PRKG1: variants seen among roughly 807,000 people sequenced by gnomAD.
PRKG1 encodes the protein cGMP-dependent protein kinase 1.
A neutral mutation model predicts 88.1 loss-of-function variants in PRKG1; 35 were observed. That is an observed-to-expected ratio of 0.40 (90% CI 0.30 to 0.53). PRKG1 has a LOEUF of 0.53. Among genes scored for constraint, PRKG1 ranks in the 20% least tolerant of loss-of-function variants. PRKG1 has a pLI of 0.59. For synonymous variants in PRKG1, 303 were observed against 292.5 expected (o/e 1.04, Z -0.37); for missense variants, 540 against 839.8 (o/e 0.64, Z 4.41).
At chr10:51,356,495 A>T (rs1162277093) in intron 2 of PRKG1, among the ~76,000 whole-genome samples, 1 of 151,950 alleles carries the variant, frequency 6.6e-6, no homozygotes, top group Admixed American at 6.6e-5. Flanking sequence ...TGATTTTCTG[A>T]ATATTCTAGA....
intron 2 of PRKG1, among the ~76,000 whole-genome samples, chr10:51,335,909 A>G (rs1048315032): frequency 2.0e-5 from 3 of 152,234 alleles, no homozygotes; most frequent in African/African-American, 7.2e-5. Context: ...GTGAAAGTCA[A>G]TTATGTAGAA....
chr10:51,094,413 G>A (rs903115580), intron 1 of PRKG1, among the ~76,000 whole-genome samples: 3 of 151,978 alleles, frequency 2.0e-5, no homozygotes, highest in Admixed American at 1.3e-4. Flanking sequence ...TGAATGGGTC[G>A]TGTTTGGTTT....
At chr10:51,691,069 A>C (rs996982392) in intron 3 of PRKG1, among the ~76,000 whole-genome samples, 3 of 150,772 alleles carry the variant, frequency 2.0e-5, no homozygotes, top group Non-Finnish European at 3.0e-5. Context: ...TCATTGAAAA[A>C]GAAGATATTG....
At chr10:52,098,931 A>G (rs1264542129) in intron 7 of PRKG1, among the ~76,000 whole-genome samples, 1 of 152,226 alleles carries the variant, frequency 6.6e-6, no homozygotes, top group Non-Finnish European at 1.5e-5. Context: ...AAGAATCCAA[A>G]TGTAAAGCTG....
intron 2 of PRKG1, among the ~76,000 whole-genome samples, chr10:51,221,876 C>CT (rs11405552): frequency 0.45 from 56,935 of 127,104 alleles, 13,096 homozygotes; most frequent in Middle Eastern, 0.58. Context: ...TCTTTTCTTT[C>CT]TTTTTTTTTT....
At chr10:52,251,488 C>A (rs1841167520) in intron 9 of PRKG1, 82 bp from the exon 10 acceptor site, 1 of 1,056,818 alleles carries the variant, frequency 9.5e-7, no homozygotes, top group South Asian at 1.3e-5. Context: ...GTTCCACAGT[C>A]ATGTCATTCT....
intron 3 of PRKG1, among the ~76,000 whole-genome samples, chr10:51,543,002 G>GC (rs1255011611): frequency 2.6e-5 from 4 of 152,134 alleles, no homozygotes; most frequent in Admixed American, 2.6e-4. Context: ...CAGGAGTGGC[G>GC]CACCTGGCAT....
At chr10:51,898,594 G>T (rs1446932273) in intron 4 of PRKG1, among the ~76,000 whole-genome samples, 1 of 152,076 alleles carries the variant, frequency 6.6e-6, no homozygotes, top group African/African-American at 2.4e-5. Context: ...CAACAGTTTG[G>T]GAGGCAAAGG....
At chr10:51,457,521 C>T (rs975381339) in intron 2 of PRKG1, among the ~76,000 whole-genome samples, 3 of 152,090 alleles carry the variant, frequency 2.0e-5, no homozygotes, top group Non-Finnish European at 4.4e-5. Flanking sequence ...GAAATCACCA[C>T]TGAAGAACTT....
chr10:51,739,254 T>C (rs1837369918), intron 3 of PRKG1, among the ~76,000 whole-genome samples: 1 of 152,096 alleles, frequency 6.6e-6, no homozygotes, highest in Non-Finnish European at 1.5e-5. Context: ...ATTTGGTAAA[T>C]AGGCAGATAA....
At chr10:51,733,949 A>C (rs943391898) in intron 3 of PRKG1, among the ~76,000 whole-genome samples, 5 of 152,162 alleles carry the variant, frequency 3.3e-5, no homozygotes, top group Admixed American at 3.3e-4. Context: ...AAAAAACTCC[A>C]TATACTCCAG....
At chr10:51,533,342 A>G (rs866956234) in intron 3 of PRKG1, among the ~76,000 whole-genome samples, 2 of 152,208 alleles carry the variant, frequency 1.3e-5, no homozygotes, top group Non-Finnish European at 2.9e-5. Context: ...GCTTTCCTCT[A>G]TTTGGTAGAT....
chr10:51,878,194 A>G (rs1215305582), intron 4 of PRKG1, among the ~76,000 whole-genome samples: 1 of 152,016 alleles, frequency 6.6e-6, no homozygotes, highest in Non-Finnish European at 1.5e-5. Context: ...ATGTATATAT[A>G]AATATAAAGC....
chr10:51,949,658 T>G (rs147250875), intron 5 of PRKG1, among the ~76,000 whole-genome samples: 1 of 152,270 alleles, frequency 6.6e-6, no homozygotes, highest in African/African-American at 2.4e-5. Flanking sequence ...GCCTGATTAT[T>G]GAGAACTTCT....
At chr10:51,853,761 A>G (rs953468860) in intron 4 of PRKG1, among the ~76,000 whole-genome samples, 2 of 152,120 alleles carry the variant, frequency 1.3e-5, no homozygotes, top group Non-Finnish European at 2.9e-5. Context: ...TGGTCTGGGC[A>G]TTGTTAAAGT....
chr10:52,073,321 G>A (rs958527476), intron 7 of PRKG1, among the ~76,000 whole-genome samples: 4 of 152,052 alleles, frequency 2.6e-5, no homozygotes, highest in African/African-American at 7.3e-5. Flanking sequence ...CTAGGGCTTC[G>A]ACATATCTTT....
intron 3 of PRKG1, among the ~76,000 whole-genome samples, chr10:51,624,354 G>A: frequency 6.6e-6 from 1 of 152,170 alleles, no homozygotes; most frequent in East Asian, 1.9e-4. Flanking sequence ...GCTCAATTAA[G>A]CTTTCTTTTC....
At chr10:52,214,185 A>G (rs1323684557) in intron 9 of PRKG1, among the ~76,000 whole-genome samples, 1 of 152,122 alleles carries the variant, frequency 6.6e-6, no homozygotes, top group Non-Finnish European at 1.5e-5. Context: ...GTGAATACAT[A>G]AGTATCCAAC....
At chr10:51,206,564 A>T (rs1043025635) in intron 2 of PRKG1, among the ~76,000 whole-genome samples, 5 of 152,190 alleles carry the variant, frequency 3.3e-5, no homozygotes, top group Non-Finnish European at 7.3e-5. Context: ...ACTTAAAACC[A>T]ATCTTAGGCC....
Sources: allele counts gnomAD v4.1 joint callset (sites outside exome capture counted in the v4.1 genomes callset), GRCh38; gene constraint gnomAD v4.1.1; transcripts MANE v1.5; gene names NCBI Gene and HGNC (gene_info 2026-07-23, HGNC 2026-07-21).